Variants in PDZK1IP1 observed in about 807,000 individuals in gnomAD.
PDZK1IP1 encodes the protein PDZK1 interacting protein 1.
PDZK1IP1 carries 9 observed loss-of-function variants against 14.7 expected under a neutral mutation model. That is an observed-to-expected ratio of 0.61 (90% CI 0.37 to 1.07). PDZK1IP1 has a LOEUF of 1.07. PDZK1IP1 is among the 50% of genes least tolerant of loss of function. The pLI is 0.01. For synonymous variants in PDZK1IP1, 70 were observed against 61.2 expected, an observed-to-expected ratio of 1.14 and a Z score of -0.67; for missense variants, 152 against 148.7, an observed-to-expected ratio of 1.02 and a Z score of -0.11.
Position 47,189,937 on chromosome 1 carries a change from G to T in PDZK1IP1, c.-5C>A. 6.3e-7 allele frequency: 1 copy of T among 1,588,078 alleles called. No homozygotes were observed. The highest frequency in any genetic ancestry group is 8.5e-7 in the Non-Finnish European group (1 of 1,175,432). On this transcript the variant is annotated 5_prime_UTR_variant, in exon 1 of 4. Coordinates refer to ENST00000294338, the MANE Select transcript of PDZK1IP1 (RefSeq NM_005764.4). ...GAGGAGGCTGAGGGCCGACATGGCT[G>T]CAGCAGCTCCTAGCCTTGCTTCTGG...
chr1:47,188,620 C>T (rs1322263331), intron 1 of PDZK1IP1, among the ~76,000 whole-genome samples: 2 of 152,182 alleles, frequency 1.3e-5, no homozygotes, highest in African/African-American at 4.8e-5. Context: ...CAAATGTCCT[C>T]CTTTGAGTCT....
Position 47,187,366 on chromosome 1 carries a change from G to A in PDZK1IP1, c.129C>T (p.Leu43=), listed in dbSNP as rs775058429. 1.4e-5 allele frequency: 23 copies of A among 1,612,706 alleles called. No homozygotes were observed. The highest frequency in any genetic ancestry group is 4.5e-5 in the East Asian group (2 of 44,886). Residue 43 remains leucine (L), a synonymous_variant, in exon 2 of 4, where the codon CTC becomes CTT. Coordinates refer to ENST00000294338, the MANE Select transcript of PDZK1IP1 (RefSeq NM_005764.4). ...GGTTGACTGCAAAGGCGATTGCAACGAGGACCAGGAACACGGCCACCGCGA... is the reference window on the plus strand; with the variant it reads ...GGTTGACTGCAAAGGCGATTGCAACAAGGACCAGGAACACGGCCACCGCGA... The part of the protein sequence containing the change: ...GLIAVAVFLV[L]VAIAFAVNHF...
Position 47,183,978 on chromosome 1 carries a change from G to C in PDZK1IP1, c.338C>G (p.Pro113Arg), listed in dbSNP as rs370702290. 6.3e-7 allele frequency: 1 copy of C among 1,595,654 alleles called. No individual in the cohort carries two copies. Among genetic ancestry groups the C allele is most frequent in the Non-Finnish European group, 8.5e-7 (1 of 1,170,168 alleles). Residue 113 changes from proline to arginine, a missense_variant, in exon 4 of 4, where the codon CCG becomes CGG. Pro to Arg is a moderately radical substitution (Grantham distance 103). Coordinates refer to ENST00000294338, the MANE Select transcript of PDZK1IP1 (RefSeq NM_005764.4). ...TTGGAGCCACAGAGAAGGTTACATC[G>C]GGGTGCTGCGGACCTTGCCTTCCTC... Reference protein sequence around the residue: ...PEEEGKVRSTPM With the variant: ...PEEEGKVRSTRM
chr1:47,186,007 G>A (rs1052767302), intron 2 of PDZK1IP1, among the ~76,000 whole-genome samples: 3 of 152,096 alleles, frequency 2.0e-5, no homozygotes, highest in Non-Finnish European at 4.4e-5. Flanking sequence ...TCCCGAAACT[G>A]GCTTAAAAAC....
chr1:47,184,966 G>C, intron 3 of PDZK1IP1, 36 bp downstream of exon 3: 1 of 1,517,688 alleles, frequency 6.6e-7, no homozygotes, highest in South Asian at 1.1e-5. Context: ...TTAGGCCCTG[G>C]GAGCACAGAC....
chr1:47,189,799 AG>A, intron 1 of PDZK1IP1, 66 bp downstream of exon 1: 1 of 1,215,528 alleles, frequency 8.2e-7, no homozygotes, highest in Admixed American at 2.5e-5. Context: ...GGCCCTGGGG[AG>A]GGGAGCCAGA....
intron 1 of PDZK1IP1, among the ~76,000 whole-genome samples, chr1:47,188,652 G>A (rs1450660804): frequency 6.6e-6 from 1 of 152,198 alleles, no homozygotes; most frequent in East Asian, 1.9e-4. Context: ...TCCTGCTGCA[G>A]TGGAGGCCTG....
chr1:47,187,486 G>C (rs2148573348), intron 1 of PDZK1IP1, 59 bp from the exon 2 acceptor site: 1 of 1,366,506 alleles, frequency 7.3e-7, no homozygotes, highest in African/African-American at 1.4e-5. Context: ...ATGTGCAGGA[G>C]AGCGAGGGGC....
Position 47,183,615 on chromosome 1 carries a change from TGAGC to T in PDZK1IP1, c.*352_*355del. 3.9e-6 allele frequency: 1 copy of T among 255,180 alleles called. No homozygotes were observed. The allele number at this position is 255,180 out of a possible 1,614,324, so 15.8% of individuals were successfully genotyped here. A position where few individuals can be genotyped will look rare whatever the true frequency, so the allele number is the denominator to read the frequency against. ...CACTGGAAGCCTGAGGGGCTGTTGC[TGAGC>T]CTCAGCCCCAGAAATACAAAAAGTC... On this transcript the variant is annotated 3_prime_UTR_variant, in exon 4 of 4. Transcript: ENST00000294338.
intron 1 of PDZK1IP1, 44 bp from the exon 2 acceptor site, chr1:47,187,471 G>C: frequency 1.3e-6 from 2 of 1,490,358 alleles, no homozygotes; most frequent in Non-Finnish European, 1.9e-6. Flanking sequence ...CCACAGTGGG[G>C]CTGCATGTGC....
intron 1 of PDZK1IP1, among the ~76,000 whole-genome samples, chr1:47,188,862 G>C (rs1645335793): frequency 6.6e-6 from 1 of 152,200 alleles, no homozygotes; most frequent in Admixed American, 6.5e-5. Context: ...CCTCAGGTCA[G>C]TGGTTGCTCA....
At chr1:47,186,264 A>C (rs1165754500) in intron 2 of PDZK1IP1, among the ~76,000 whole-genome samples, 1 of 151,632 alleles carries the variant, frequency 6.6e-6, no homozygotes, top group African/African-American at 2.4e-5. Context: ...GCCGAGATAG[A>C]GCCATTGCAC....
In PDZK1IP1 at chr1:47,184,004, C is replaced by A; in HGVS notation, c.312G>T (p.Glu104Asp). 11 of 1,598,882 alleles carry A rather than the reference C, an allele frequency of 6.9e-6. No individual in the cohort carries two copies. The highest frequency in any genetic ancestry group is 9.4e-6 in the Non-Finnish European group (11 of 1,171,932). ...EHENAYENVP[E>D]EEGKVRSTPM ...GGGTGCTGCGGACCTTGCCTTCCTCCTCGGGCACATTCTCATAGGCATTCT... is the reference window on the plus strand; with the variant it reads ...GGGTGCTGCGGACCTTGCCTTCCTCATCGGGCACATTCTCATAGGCATTCT... Residue 104 changes from glutamate (E) to aspartate (D), a missense_variant, in exon 4 of 4, where the codon GAG becomes GAT. Physicochemically the swap from Glu to Asp is conservative, Grantham distance 45. Coordinates refer to ENST00000294338, the MANE Select transcript of PDZK1IP1 (RefSeq NM_005764.4).
intron 2 of PDZK1IP1, among the ~76,000 whole-genome samples, chr1:47,185,715 G>A (rs1408751925): frequency 2.0e-5 from 3 of 152,028 alleles, no homozygotes; most frequent in Admixed American, 6.6e-5. Context: ...TCTGGGCCTC[G>A]GTGAGTGATC....
chr1:47,184,482 C>T (rs924343108), intron 3 of PDZK1IP1, among the ~76,000 whole-genome samples: 6 of 111,336 alleles, frequency 5.4e-5, no homozygotes, highest in Non-Finnish European at 1.2e-4. Flanking sequence ...CCCCACTGAA[C>T]CCATCCCCCA....
At chr1:47,186,433 A>C (rs1350070463) in intron 2 of PDZK1IP1, among the ~76,000 whole-genome samples, 1 of 152,130 alleles carries the variant, frequency 6.6e-6, no homozygotes, top group Non-Finnish European at 1.5e-5. Context: ...CACCAGCCTC[A>C]TCTCAGGTGT....
At chr1:47,184,935 G>T in intron 3 of PDZK1IP1, 67 bp downstream of exon 3, 1 of 1,289,800 alleles carries the variant, frequency 7.8e-7, no homozygotes, top group Non-Finnish European at 1.1e-6. Flanking sequence ...CCCCCCAGCA[G>T]CACCTGTCTT....
Position 47,187,302 on chromosome 1 carries a change from C to T in PDZK1IP1, c.176+17G>A. 2 of 1,591,644 alleles carry T rather than the reference C, an allele frequency of 1.3e-6. No individual in the cohort carries two copies. Among genetic ancestry groups the T allele is most frequent in the Non-Finnish European group, 1.7e-6 (2 of 1,160,938 alleles). On this transcript the variant is annotated intron_variant, in intron 2 of 3. Transcript: ENST00000294338. ...GGGCCCACCCTGCCTGCTCAGGGAC[C>T]CTTGGGCAGCACTCACGGCTCCTCC...
chr1:47,185,347 G>C lies in PDZK1IP1; in HGVS notation c.177-250C>G, dbSNP rs1246200388. 6.5e-6 allele frequency: 3 copies of C among 464,662 alleles called. No homozygotes were observed. In the East Asian group the frequency reaches 1.3e-4, roughly 20 times the overall value. 28.8% of individuals were successfully genotyped at this position (464,662 alleles called of 1,614,324 possible). On this transcript the variant is annotated intron_variant, in intron 2 of 3. Coordinates refer to ENST00000294338, the MANE Select transcript of PDZK1IP1 (RefSeq NM_005764.4). ...GAGTCCAAAGCCTCTCTCTGTCCCA[G>C]ACGCCCTCAGTTCAGCCTCCACAGC...
Sources: allele counts gnomAD v4.1 joint callset (sites outside exome capture counted in the v4.1 genomes callset), GRCh38; gene constraint gnomAD v4.1.1; transcripts MANE v1.5; gene names NCBI Gene and HGNC (gene_info 2026-07-23, HGNC 2026-07-21).